The following KCNIP1 variants were observed in gnomAD, a reference collection of about 807,000 sequenced individuals.
KCNIP1 encodes potassium voltage-gated channel interacting protein 1.
A neutral mutation model predicts 33.0 loss-of-function variants in KCNIP1; 18 were observed. The ratio of observed to expected loss-of-function variants is 0.55; its 90% CI spans 0.38 to 0.81. KCNIP1 has a LOEUF of 0.81. Ranked by LOEUF, KCNIP1 falls within the 30% of genes least tolerant of loss-of-function variation. KCNIP1 has a pLI of 0.00. For synonymous variants in KCNIP1, 93 were observed against 98.3 expected (o/e 0.95, Z 0.32); for missense variants, 238 against 271.6 (o/e 0.88, Z 0.87).
At chr5:170,533,477 C>A (rs11957401) in intron 1 of KCNIP1, among the ~76,000 whole-genome samples, 3 of 152,166 alleles carry the variant, frequency 2.0e-5, no homozygotes, top group Admixed American at 2.0e-4. Flanking sequence ...CCAGGATCCA[C>A]GGTGCCCCCA....
chr5:170,485,099 C>T (rs1757060025), intron 1 of KCNIP1, among the ~76,000 whole-genome samples: 1 of 152,096 alleles, frequency 6.6e-6, no homozygotes, highest in East Asian at 1.9e-4. Context: ...CGCCACCACG[C>T]CCGGCTAATT....
chr5:170,734,383 G>A (rs1166382271), intron 7 of KCNIP1, among the ~76,000 whole-genome samples: 1 of 152,126 alleles, frequency 6.6e-6, no homozygotes, highest in Admixed American at 6.5e-5. Flanking sequence ...TAACACAAAT[G>A]TCCTGGACCA....
At chr5:170,519,057 G>A (rs1755258477) in intron 1 of KCNIP1, among the ~76,000 whole-genome samples, 1 of 152,184 alleles carries the variant, frequency 6.6e-6, no homozygotes, top group Non-Finnish European at 1.5e-5. Flanking sequence ...TGTTCTTTGT[G>A]TGTGGAAAAG....
intron 5 of KCNIP1, among the ~76,000 whole-genome samples, chr5:170,725,845 T>G (rs1763988170): frequency 6.6e-6 from 1 of 152,022 alleles, no homozygotes; most frequent in African/African-American, 2.4e-5. Context: ...AAAATAGAGA[T>G]AGACCCACCC....
chr5:170,393,496 A>C (rs1332922909), intron 1 of KCNIP1, among the ~76,000 whole-genome samples: 1 of 152,232 alleles, frequency 6.6e-6, no homozygotes, highest in Non-Finnish European at 1.5e-5. Context: ...CACTGTGCCG[A>C]GGTGACTCAG....
intron 1 of KCNIP1, among the ~76,000 whole-genome samples, chr5:170,621,508 ATTATTT>A (rs1454307531): frequency 2.0e-5 from 3 of 152,046 alleles, no homozygotes; most frequent in East Asian, 1.9e-4. Context: ...ACTCCTCTTT[ATTATTT>A]TTATTTTTAT....
At chr5:170,695,442 A>T (rs560738608) in intron 1 of KCNIP1, among the ~76,000 whole-genome samples, 1 of 152,298 alleles carries the variant, frequency 6.6e-6, no homozygotes, top group East Asian at 1.9e-4. Flanking sequence ...GCCCCATTTG[A>T]TTCATTACTC....
chr5:170,491,935 G>A (rs1757215939), intron 1 of KCNIP1, among the ~76,000 whole-genome samples: 1 of 152,208 alleles, frequency 6.6e-6, no homozygotes, highest in South Asian at 2.1e-4. Flanking sequence ...TAAAACTCTA[G>A]AGGAGCCCTT....
At chr5:170,499,115 G>A (rs185758421), upstream of KCNIP1, among the ~76,000 whole-genome samples, 170 of 152,264 alleles carry the variant, frequency 1.1e-3, no homozygotes, top group Non-Finnish European at 2.0e-3. Context: ...AGAACATTTG[G>A]GAAATGGTAC....
intron 1 of KCNIP1, among the ~76,000 whole-genome samples, chr5:170,631,739 C>T (rs1409089778): frequency 1.3e-5 from 2 of 152,214 alleles, no homozygotes; most frequent in Non-Finnish European, 2.9e-5. Flanking sequence ...AGCTGAGACT[C>T]CCAGGTCCCC....
chr5:170,470,532 C>G (rs567092085), intron 1 of KCNIP1, among the ~76,000 whole-genome samples: 1 of 152,108 alleles, frequency 6.6e-6, no homozygotes, highest in Non-Finnish European at 1.5e-5. Context: ...TATTGCAGGG[C>G]GCCAAGCAAG....
rs375031202 is a variant in KCNIP1 at position 170,564,617 on chromosome 5, A to G, written c.61+59984A>G. ...TCTATATTTTAAGAAAACACCTCAA[A>G]TAACTTCCCAGCCAGGTGTGTGCAC... On this transcript the variant is annotated intron_variant, in intron 1 of 7. Coordinates refer to ENST00000328939, the MANE Select transcript of KCNIP1 (RefSeq NM_014592.4). Among the ~76,000 whole-genome samples, 5 of 152,200 alleles carry G rather than the reference A, an allele frequency of 3.3e-5. No homozygotes were observed. In the South Asian group the frequency reaches 6.2e-4, roughly 19 times the overall value.
At chr5:170,710,122 C>T (rs1267531397) in intron 1 of KCNIP1, among the ~76,000 whole-genome samples, 1 of 152,228 alleles carries the variant, frequency 6.6e-6, no homozygotes, top group African/African-American at 2.4e-5. Context: ...CCGCCTAGGC[C>T]TCCCAAAGTG....
At chr5:170,633,387 A>AG (rs1271473059) in intron 1 of KCNIP1, among the ~76,000 whole-genome samples, 9 of 151,744 alleles carry the variant, frequency 5.9e-5, no homozygotes, top group Non-Finnish European at 1.0e-4. Flanking sequence ...TGAGGTAGTC[A>AG]GGGGGCCTCA....
chr5:170,735,971 C>A lies in KCNIP1; in HGVS notation c.*165C>A. ...GAAGACTTTCTATGGAACCCAGCAT[C>A]ATGTGGCTCAGTCTCTGATTGCCAA... On this transcript the variant is annotated 3_prime_UTR_variant, in exon 8 of 8. Coordinates refer to ENST00000328939, the MANE Select transcript of KCNIP1 (RefSeq NM_014592.4). The A allele has an allele frequency of 1.7e-6, 1 of 599,480 alleles. No individual in the cohort carries two copies. The allele number at this position is 599,480 out of a possible 1,614,324, so 37.1% of individuals were successfully genotyped here. A position where few individuals can be genotyped will look rare whatever the true frequency, so the allele number is the denominator to read the frequency against.
intron 1 of KCNIP1, among the ~76,000 whole-genome samples, chr5:170,492,619 A>G (rs1010705465): frequency 1.3e-5 from 2 of 152,314 alleles, no homozygotes; most frequent in African/African-American, 4.8e-5. Flanking sequence ...GACCAGCCCA[A>G]TCCTGAAGCT....
chr5:170,530,407 A>G (rs1283794692), intron 1 of KCNIP1, among the ~76,000 whole-genome samples: 3 of 152,216 alleles, frequency 2.0e-5, no homozygotes, highest in African/African-American at 7.2e-5. Flanking sequence ...CATTTTGTAG[A>G]TAAAGAAACT....
intron 1 of KCNIP1, among the ~76,000 whole-genome samples, chr5:170,455,555 C>G (rs1421518716): frequency 6.6e-6 from 1 of 152,202 alleles, no homozygotes; most frequent in Non-Finnish European, 1.5e-5. Context: ...AGACCATATG[C>G]TAGGCCACAA....
rs1037327677 is a variant in KCNIP1, at chr5:170,374,265, G to A, written c.88+20301G>A. Among the ~76,000 whole-genome samples, 15 of 152,174 alleles carry A rather than the reference G, an allele frequency of 9.9e-5. 1 individual carries two copies. The highest frequency in any genetic ancestry group is 9.2e-4 in the Admixed American group (14 of 15,284). On this transcript the variant is annotated intron_variant, in intron 1 of 7. Coordinates refer to the KCNIP1 transcript ENST00000377360. ...ATCTGCATAATGCTGAGTCTTCACTGTGAAGAAGGAAGCCCCTCACAATGA... is the reference window on the plus strand; with the variant it reads ...ATCTGCATAATGCTGAGTCTTCACTATGAAGAAGGAAGCCCCTCACAATGA...
Sources: gnomAD v4.1 joint callset for allele counts (sites outside exome capture counted in the v4.1 genomes callset) on GRCh38, gnomAD v4.1.1 for gene constraint, MANE v1.5 for transcripts, NCBI Gene and HGNC (gene_info 2026-07-23, HGNC 2026-07-21) for gene names.